RORA: variants seen among roughly 807,000 people sequenced by gnomAD.
RORA encodes the protein nuclear receptor ROR-alpha.
Under a neutral mutation model 69.5 loss-of-function variants are expected in RORA, and 7 were observed. That is an observed-to-expected ratio of 0.10 (90% CI 0.06 to 0.19). The LOEUF (loss-of-function observed/expected upper bound fraction) is 0.19, where lower values mean the gene tolerates loss of function less well. Ranked by LOEUF, RORA falls within the 10% of genes least tolerant of loss-of-function variation. The pLI, the probability that RORA is intolerant of heterozygous loss-of-function variation, is 1.00. For synonymous variants in RORA, 261 were observed against 240.8 expected (o/e 1.08, Z -0.78); for missense variants, 457 against 663.0 (o/e 0.69, Z 3.41).
chr15:61,090,362 G>A (rs1411199294), intron 1 of RORA, among the ~76,000 whole-genome samples: 1 of 152,182 alleles, frequency 6.6e-6, no homozygotes, highest in Non-Finnish European at 1.5e-5. Flanking sequence ...GTGCCCCTCT[G>A]TGAATATGAA....
intron 1 of RORA, among the ~76,000 whole-genome samples, chr15:60,723,275 G>C (rs962841399): frequency 6.6e-6 from 1 of 151,870 alleles, no homozygotes; most frequent in African/African-American, 2.4e-5. Flanking sequence ...CCTTAGTTTC[G>C]ATGCGCATAT....
At chr15:60,776,499 G>A (rs865820230) in intron 1 of RORA, among the ~76,000 whole-genome samples, 3 of 152,334 alleles carry the variant, frequency 2.0e-5, no homozygotes, top group South Asian at 4.1e-4. Flanking sequence ...AAAGGAAGGA[G>A]CATCAGAGAC....
intron 1 of RORA, among the ~76,000 whole-genome samples, chr15:61,054,913 T>C (rs1445514523): frequency 6.6e-6 from 1 of 151,566 alleles, no homozygotes; most frequent in South Asian, 2.1e-4. Flanking sequence ...CACGGCTCCG[T>C]GTAGCTTCCA....
At chr15:61,144,367 G>A (rs987503069) in intron 1 of RORA, among the ~76,000 whole-genome samples, 37 of 152,204 alleles carry the variant, frequency 2.4e-4, no homozygotes, top group African/African-American at 8.4e-4. Flanking sequence ...AGGGTATTCC[G>A]AGGAAAGGGG....
At chr15:61,053,115 TA>T (rs1191709316) in intron 1 of RORA, among the ~76,000 whole-genome samples, 1 of 152,196 alleles carries the variant, frequency 6.6e-6, no homozygotes, top group African/African-American at 2.4e-5. Context: ...CAGGAAGAGA[TA>T]AAACCAGACC....
intron 1 of RORA, among the ~76,000 whole-genome samples, chr15:61,215,247 G>C (rs2080030313): frequency 6.6e-6 from 1 of 151,844 alleles, no homozygotes; most frequent in Non-Finnish European, 1.5e-5. Context: ...GCCTTCTCAG[G>C]TCCTATTTCT....
At position 60,643,081 on chromosome 15, in the gene RORA, C is replaced by T. The variant is rs549792794; in HGVS notation, c.196+35576G>A. Among the ~76,000 whole-genome samples, 11 of 152,252 alleles carry T rather than the reference C, an allele frequency of 7.2e-5. No homozygotes were observed. The East Asian group carries it at 9.7e-4, about 13-fold the overall frequency. ...CTGAGGCATGAGAATTGCTTGAATC[C>T]GGAAGGCGAAGGTTGCAGTGAGCCA... On this transcript the variant is annotated intron_variant, in intron 2 of 10. Coordinates refer to ENST00000335670, the MANE Select transcript of RORA (RefSeq NM_134261.3).
chr15:60,512,383 T>A (rs886236937), intron 4 of RORA, among the ~76,000 whole-genome samples: 2 of 152,128 alleles, frequency 1.3e-5, no homozygotes, highest in Non-Finnish European at 2.9e-5. Context: ...CCTCCTAAGG[T>A]TTGAGCGATC....
At chr15:60,673,714 T>C (rs537358714) in intron 2 of RORA, among the ~76,000 whole-genome samples, 6 of 152,350 alleles carry the variant, frequency 3.9e-5, no homozygotes, top group South Asian at 2.1e-4. Flanking sequence ...CAGATTGTTT[T>C]ATGTGATTAT....
chr15:60,956,511 T>C (rs1893272120), intron 1 of RORA, among the ~76,000 whole-genome samples: 1 of 152,212 alleles, frequency 6.6e-6, no homozygotes, highest in Non-Finnish European at 1.5e-5. Context: ...TGGGAAAGTA[T>C]AGGAGCTTTG....
At chr15:60,924,504 C>T (rs1474237401) in intron 1 of RORA, among the ~76,000 whole-genome samples, 3 of 151,438 alleles carry the variant, frequency 2.0e-5, no homozygotes, top group African/African-American at 7.3e-5. Context: ...TTCTTACGTG[C>T]CTGTAATCAT....
intron 1 of RORA, among the ~76,000 whole-genome samples, chr15:61,060,152 C>T (rs1012905585): frequency 2.0e-5 from 3 of 152,126 alleles, no homozygotes; most frequent in African/African-American, 7.2e-5. Flanking sequence ...AATGTGGTTC[C>T]AGATCTCAGT....
chr15:60,708,238 A>G (rs180726431), intron 1 of RORA, among the ~76,000 whole-genome samples: 350 of 151,598 alleles, frequency 2.3e-3, no homozygotes, highest in Middle Eastern at 3.4e-3. Context: ...CCTGACCAAC[A>G]TGGTGAAACC....
intron 1 of RORA, among the ~76,000 whole-genome samples, chr15:61,160,953 C>T (rs1383829966): frequency 6.6e-6 from 1 of 152,176 alleles, no homozygotes; most frequent in African/African-American, 2.4e-5. Flanking sequence ...ACCCACTTTG[C>T]ACTGGGGCAA....
At chr15:61,181,228 C>G (rs942133070) in intron 1 of RORA, 1 of 151,914 alleles carries the variant, frequency 6.6e-6, no homozygotes, top group African/African-American at 2.4e-5. Flanking sequence ...CCGGCCCAGT[C>G]AGAAATCCAG....
chr15:60,710,944 C>A (rs1467242043), intron 1 of RORA, among the ~76,000 whole-genome samples: 2 of 152,188 alleles, frequency 1.3e-5, no homozygotes, highest in Non-Finnish European at 2.9e-5. Context: ...ATCCCTCCAA[C>A]TCCAGCACTT....
intron 1 of RORA, among the ~76,000 whole-genome samples, chr15:60,743,311 G>A (rs908345771): frequency 2.6e-5 from 4 of 152,036 alleles, no homozygotes; most frequent in South Asian, 4.1e-4. Flanking sequence ...CACCGCACCC[G>A]GCTGTAAATG....
intron 1 of RORA, among the ~76,000 whole-genome samples, chr15:60,860,216 A>T (rs2073424117): frequency 6.6e-6 from 1 of 152,162 alleles, no homozygotes; most frequent in South Asian, 2.1e-4. Flanking sequence ...CTAAAACCAA[A>T]TCTGTGTTCT....
At chr15:60,639,270 A>AGC (rs2069898172) in intron 2 of RORA, among the ~76,000 whole-genome samples, 1 of 149,232 alleles carries the variant, frequency 6.7e-6, no homozygotes, top group African/African-American at 2.5e-5. Context: ...ATAAAAACCA[A>AGC]GTGCCATACA....
Sources: allele counts gnomAD v4.1 joint callset (sites outside exome capture counted in the v4.1 genomes callset), GRCh38; gene constraint gnomAD v4.1.1; transcripts MANE v1.5; gene names NCBI Gene and HGNC (gene_info 2026-07-23, HGNC 2026-07-21).